Variants in ZNF248 observed in about 807,000 individuals in gnomAD.
ZNF248 encodes the protein zinc finger protein 248, also known as KRAB protein domain.
ZNF248 carries 20 observed loss-of-function variants against 44.3 expected under a neutral mutation model. The ratio of observed to expected loss-of-function variants is 0.45; its 90% CI spans 0.32 to 0.66. ZNF248 has a LOEUF of 0.66. Ranked by LOEUF, ZNF248 falls within the 30% of genes least tolerant of loss-of-function variation. ZNF248 has a pLI of 0.04. For missense variants in ZNF248, 654 were observed against 677.0 expected (o/e 0.97, Z 0.38); for synonymous variants, 224 against 229.0 (o/e 0.98, Z 0.20).
intron 6 of ZNF248, chr10:37,803,958 G>A: frequency 6.5e-6 from 1 of 152,778 alleles, no homozygotes. Context: ...GAATAACAAT[G>A]TTGGGTTTTA....
downstream of ZNF248, among the ~76,000 whole-genome samples, chr10:37,828,534 C>T (rs879257595): frequency 6.6e-6 from 1 of 152,132 alleles, no homozygotes; most frequent in Non-Finnish European, 1.5e-5. Context: ...TATTTTACAA[C>T]AAACTATCAT....
chr10:37,771,286 G>A, the ZNF248 span, among the ~76,000 whole-genome samples: 2 of 152,110 alleles, frequency 1.3e-5, no homozygotes, highest in African/African-American at 4.8e-5. Flanking sequence ...ATACCCAAAG[G>A]ACTATAAATC....
intron 6 of ZNF248, among the ~76,000 whole-genome samples, chr10:37,812,514 G>A (rs1189443411): frequency 6.6e-6 from 1 of 152,090 alleles, no homozygotes; most frequent in Non-Finnish European, 1.5e-5. Flanking sequence ...CAGTCTTTTG[G>A]TTGCACAATA....
chr10:37,774,452 T>A (rs535354989), downstream of ZNF248, among the ~76,000 whole-genome samples: 135 of 152,312 alleles, frequency 8.9e-4, 1 homozygote, highest in African/African-American at 3.2e-3. Flanking sequence ...TCCTTTGATA[T>A]GGTTAAAAAT....
At chr10:37,792,298 G>C (rs1012870749) in intron 6 of ZNF248, among the ~76,000 whole-genome samples, 8 of 152,232 alleles carry the variant, frequency 5.3e-5, no homozygotes, top group African/African-American at 1.9e-4. Flanking sequence ...GGCCAAAGCT[G>C]AAACAAACTG....
chr10:37,816,005 A>AAG lies in ZNF248; in HGVS notation c.330+17018_330+17019dup, dbSNP rs1554823683. 7.2e-4 allele frequency among the ~76,000 whole-genome samples: 107 copies of AAG among 149,296 alleles called. 4 individuals carry two copies. Among genetic ancestry groups the AAG allele is most frequent in the Non-Finnish European group, 8.8e-4 (59 of 67,274 alleles). ...TTCCGATAATGGAAAAAAAAAAAAA[A>AAG]AGAGAGAGAGAGAGAGAAATGAAGG... On this transcript the variant is annotated intron_variant, in intron 6 of 6. Transcript: ENST00000615949.
chr10:37,847,765 A>G (rs2059568033), intron 3 of ZNF248, among the ~76,000 whole-genome samples: 1 of 152,204 alleles, frequency 6.6e-6, no homozygotes, highest in Non-Finnish European at 1.5e-5. Context: ...ATTCAAAATA[A>G]TCTCAGCAGG....
intron 6 of ZNF248, among the ~76,000 whole-genome samples, chr10:37,786,176 C>T (rs190058749): frequency 1.1e-4 from 16 of 152,324 alleles, no homozygotes; most frequent in Non-Finnish European, 2.2e-4. Context: ...GAGATCAATG[C>T]AGAGCACTCA....
chr10:37,841,069 T>G (rs974452911), intron 3 of ZNF248, among the ~76,000 whole-genome samples: 1 of 152,256 alleles, frequency 6.6e-6, no homozygotes, highest in Non-Finnish European at 1.5e-5. Context: ...TCAGCTTCTC[T>G]GTTTTCTAGC....
At chr10:37,856,557 A>AT in intron 1 of ZNF248, 25 bp from the exon 2 acceptor site, 1 of 1,187,714 alleles carries the variant, frequency 8.4e-7, no homozygotes, top group South Asian at 3.8e-5. Context: ...AATTAAAAAC[A>AT]TGAAAAGATG....
At chr10:37,855,525 C>T (rs1421675512) in intron 3 of ZNF248, among the ~76,000 whole-genome samples, 3 of 151,888 alleles carry the variant, frequency 2.0e-5, no homozygotes, top group African/African-American at 4.8e-5. Flanking sequence ...ATAAGCAATG[C>T]CTGGAGCAAA....
chr10:37,819,635 C>A lies in ZNF248; in HGVS notation c.330+13390G>T, dbSNP rs116463728. ...ACGTAGATTTCTAACCCTTTCTAGC[C>A]TTTCCAGCTCTGCCTGGATCTCTGC... On this transcript the variant is annotated intron_variant, in intron 6 of 6. Transcript: ENST00000615949. 3.8e-3 allele frequency: 3,061 copies of A among 811,904 alleles called. 65 individuals carry two copies. The African/African-American group carries it at 0.045, about 12-fold the overall frequency. The allele number at this position is 811,904 out of a possible 1,614,324, so 50.3% of individuals were successfully genotyped here.
rs1479600317 is a variant in ZNF248, at chr10:37,831,449, CCT to C, written c.*164_*165del. The C allele has an allele frequency of 6.8e-7, 1 of 1,463,782 alleles. No individual in the cohort carries two copies. The highest frequency in any genetic ancestry group is 2.8e-5 in the Admixed American group (1 of 36,248). The allele number at this position is 1,463,782 out of a possible 1,614,324, so 90.7% of individuals were successfully genotyped here. Reference sequence around the variant, plus strand: ...ATATTACTTAGATGAATAGAATTCCCCTCAGTACAAATTTTCTAATGAAAAGT... The same window carrying C: ...ATATTACTTAGATGAATAGAATTCCCCAGTACAAATTTTCTAATGAAAAGT... On this transcript the variant is annotated 3_prime_UTR_variant, in exon 6 of 6. Transcript: ENST00000395867.
intron 3 of ZNF248, among the ~76,000 whole-genome samples, chr10:37,854,456 C>G (rs751471252): frequency 9.2e-5 from 14 of 151,928 alleles, no homozygotes; most frequent in Non-Finnish European, 1.6e-4. Flanking sequence ...TATAAGACAC[C>G]CTTAGACACA....
intron 6 of ZNF248, among the ~76,000 whole-genome samples, chr10:37,816,012 A>T (rs1216581079): frequency 6.7e-6 from 1 of 149,956 alleles, no homozygotes; most frequent in Admixed American, 6.6e-5. Context: ...AAAAAGAGAG[A>T]GAGAGAGAGA....
intron 6 of ZNF248, chr10:37,820,674 T>C: frequency 7.1e-7 from 1 of 1,411,964 alleles, no homozygotes; most frequent in South Asian, 1.1e-5. Context: ...CGCTGGTCAT[T>C]CTGCTTTTTC....
chr10:37,842,722 C>T lies in ZNF248; in HGVS notation c.16-4611G>A, dbSNP rs1042719073. On this transcript the variant is annotated intron_variant, in intron 3 of 5. Transcript: ENST00000395867. ...GTAAGGGGAACAAAATATCTGCAGT[C>T]GTCTGCAGCAGAGGATTATGGTTGA... 3.7e-4 allele frequency among the ~76,000 whole-genome samples: 56 copies of T among 152,122 alleles called. 1 individual carries two copies. The highest frequency in any genetic ancestry group is 2.0e-4 in the Admixed American group (3 of 15,270).
At position 37,832,066 on chromosome 10, in the gene ZNF248, T is replaced by C; in HGVS notation, c.1289A>G (p.His430Arg). Residue 430 changes from histidine (H) to arginine (R), a missense_variant, in exon 6 of 6, where the codon CAT becomes CGT. Coordinates refer to ENST00000395867, the MANE Select transcript of ZNF248 (RefSeq NM_021045.3). ...KPHLTNHQRT[H>R]TGEKPYECKQ... is the part of the protein sequence containing the mutation. ...ACATTCATAGGGTTTTTCTCCTGTA[T>C]GTGTTCGCTGATGGTTGGTCAGGTG... is the stretch of plus-strand genomic sequence containing the variant. The C allele has an allele frequency of 6.2e-7, 1 of 1,614,020 alleles. No homozygotes were observed.
At chr10:37,778,196 T>C (rs1200358513) in intron 6 of ZNF248, among the ~76,000 whole-genome samples, 2 of 151,810 alleles carry the variant, frequency 1.3e-5, no homozygotes, top group African/African-American at 2.4e-5. Context: ...CTCCAGCACC[T>C]GTTGTTTCCT....
Sources: allele counts gnomAD v4.1 joint callset (sites outside exome capture counted in the v4.1 genomes callset), GRCh38; gene constraint gnomAD v4.1.1; transcripts MANE v1.5; gene names NCBI Gene and HGNC (gene_info 2026-07-23, HGNC 2026-07-21).